Variants in CAMKK2 observed in about 807,000 individuals in gnomAD.
CAMKK2 encodes calcium/calmodulin-dependent protein kinase kinase 2.
In CAMKK2, 30 loss-of-function variants were observed where a neutral mutation model predicts 67.2. The observed-to-expected ratio is 0.45, with a 90% confidence interval of 0.33 to 0.61. The LOEUF is 0.61. Among genes scored for constraint, CAMKK2 ranks in the 20% least tolerant of loss-of-function variants. The probability of loss-of-function intolerance (pLI) is 0.02; values close to 1 mark genes in which losing one functional copy is unlikely to be tolerated. For missense variants in CAMKK2, 643 were observed against 802.0 expected, an observed-to-expected ratio of 0.80 and a Z score of 2.39; for synonymous variants, 322 against 326.2, an observed-to-expected ratio of 0.99 and a Z score of 0.14.
chr12:121,259,478 T>A (rs1893014300), intron 7 of CAMKK2, among the ~76,000 whole-genome samples: 1 of 152,210 alleles, frequency 6.6e-6, no homozygotes, highest in South Asian at 2.1e-4. Flanking sequence ...GACCTGGATC[T>A]GGGGTCCCAA....
Position 121,257,101 on chromosome 12 carries a change from C to T in CAMKK2, c.797-1297G>A, listed in dbSNP as rs577181581. Among the ~76,000 whole-genome samples, 20 of 151,922 alleles carry T rather than the reference C, an allele frequency of 1.3e-4. 1 individual carries two copies. Among genetic ancestry groups the T allele is most frequent in the Non-Finnish European group, 2.4e-4 (16 of 68,026 alleles). On this transcript the variant is annotated intron_variant, in intron 7 of 16. Transcript: ENST00000404169. ...TTGCTTGTTGTTCTGGAATCATACA[C>T]CCACAATGAGATGAGCATGTAATAG...
intron 1 of CAMKK2, among the ~76,000 whole-genome samples, chr12:121,293,291 G>GAA (rs1301638578): frequency 2.6e-5 from 4 of 151,934 alleles, no homozygotes; most frequent in Non-Finnish European, 5.9e-5. Flanking sequence ...GAAAAGAAAA[G>GAA]AAACAAAGCA....
In CAMKK2 at chr12:121,253,136, A is replaced by C; in HGVS notation, c.1107+137T>G. 1 of 729,824 alleles carries C rather than the reference A, an allele frequency of 1.4e-6. No homozygotes were observed. 45.2% of individuals were successfully genotyped at this position (729,824 alleles called of 1,614,324 possible). On this transcript the variant is annotated intron_variant, in intron 10 of 16. Coordinates refer to ENST00000404169, the MANE Select transcript of CAMKK2 (RefSeq NM_001270485.2). This position sits in a 1 kb window ranked among gnomAD's most constrained non-coding sequence, Gnocchi z 5.0. Reference sequence around the variant, plus strand: ...CTGTTTGAGTCCCTGGATCTAGCCAAGCCTGAAGCCTACCCCTCAGTATCT... The same window carrying C: ...CTGTTTGAGTCCCTGGATCTAGCCACGCCTGAAGCCTACCCCTCAGTATCT...
Position 121,253,477 on chromosome 12 carries a change from G to C in CAMKK2, c.908-5C>G. On this transcript the variant is annotated splice_polypyrimidine_tract_variant and splice_region_variant and intron_variant, in intron 9 of 16. Coordinates refer to ENST00000404169, the MANE Select transcript of CAMKK2 (RefSeq NM_001270485.2). This position sits in a 1 kb window ranked among gnomAD's most constrained non-coding sequence, Gnocchi z 5.0. ...GGATGATCTTCTGGTAGTGTACTGG[G>C]GAGGCGTAGACAGCAGGTGGGAGAT... is the stretch of plus-strand genomic sequence containing the variant. 6.2e-7 allele frequency: 1 copy of C among 1,613,974 alleles called. No homozygotes were observed. The highest frequency in any genetic ancestry group is 8.5e-7 in the Non-Finnish European group (1 of 1,179,900).
chr12:121,283,806 T>G (rs1485712985), intron 1 of CAMKK2, among the ~76,000 whole-genome samples: 2 of 150,984 alleles, frequency 1.3e-5, no homozygotes, highest in African/African-American at 4.9e-5. Flanking sequence ...CAGAATGAGA[T>G]CCTTTCGCTA....
chr12:121,276,159 C>CA (rs373596430), intron 1 of CAMKK2, among the ~76,000 whole-genome samples: 53,859 of 120,432 alleles, frequency 0.45, 11,908 homozygotes, highest in African/African-American at 0.56. Context: ...GACTCCATCT[C>CA]AAAAAAAAAA....
chr12:121,245,349 G>A lies in CAMKK2; in HGVS notation c.1453-109C>T, dbSNP rs1040592355. On this transcript the variant is annotated intron_variant, in intron 14 of 16. Transcript: ENST00000404169. The surrounding 1 kb of genome is among the most constrained non-coding windows in gnomAD (Gnocchi z 5.8). Reference sequence around the variant, plus strand: ...TCCCCAGCCCCTGCCAGCTCCCAGGGCTGGTGACCGATGGCAGACTTTGAG... The same window carrying A: ...TCCCCAGCCCCTGCCAGCTCCCAGGACTGGTGACCGATGGCAGACTTTGAG... 7.0e-6 allele frequency: 5 copies of A among 713,028 alleles called. No individual in the cohort carries two copies. The highest frequency in any genetic ancestry group is 1.3e-5 in the Non-Finnish European group (5 of 399,868). The allele number at this position is 713,028 out of a possible 1,614,324, so 44.2% of individuals were successfully genotyped here.
chr12:121,292,343 G>A (rs1004683066), intron 1 of CAMKK2, among the ~76,000 whole-genome samples: 1 of 151,992 alleles, frequency 6.6e-6, no homozygotes, highest in Non-Finnish European at 1.5e-5. Context: ...TGGCCAGCCT[G>A]ATCTTGAACT....
intron 5 of CAMKK2, among the ~76,000 whole-genome samples, chr12:121,265,397 G>A (rs1486839313): frequency 6.6e-6 from 1 of 152,162 alleles, no homozygotes; most frequent in Non-Finnish European, 1.5e-5. Flanking sequence ...TGACCATCAG[G>A]AGAGCGTTCC....
intron 1 of CAMKK2, among the ~76,000 whole-genome samples, chr12:121,280,673 G>T (rs540197782): frequency 1.3e-5 from 2 of 152,044 alleles, no homozygotes; most frequent in African/African-American, 4.8e-5. Flanking sequence ...GGCACCCCCC[G>T]GGGCGTACCT....
At chr12:121,264,556 C>T (rs899724084) in intron 5 of CAMKK2, among the ~76,000 whole-genome samples, 1 of 152,014 alleles carries the variant, frequency 6.6e-6, no homozygotes, top group Non-Finnish European at 1.5e-5. Context: ...GGGTGGATCA[C>T]AAGGTCAGGA....
chr12:121,263,637 A>C (rs1412610525), intron 6 of CAMKK2, among the ~76,000 whole-genome samples, 169 bp downstream of exon 6: 4 of 152,186 alleles, frequency 2.6e-5, no homozygotes, highest in African/African-American at 9.7e-5. Context: ...AAAGAAGAGA[A>C]AAAATAGTTA....
chr12:121,296,910 G>C (rs1391364323), upstream of CAMKK2, among the ~76,000 whole-genome samples: 1 of 151,236 alleles, frequency 6.6e-6, no homozygotes, highest in Admixed American at 6.6e-5. The surrounding 1 kb of genome is among the most constrained non-coding windows in gnomAD (Gnocchi z 7.1). Flanking sequence ...TCGGCCCTGC[G>C]CCGGGGAGGG....
Position 121,267,721 on chromosome 12 carries a change from T to C in CAMKK2, c.625+917A>G, listed in dbSNP as rs111983249. Among the ~76,000 whole-genome samples, 1,070 of 151,896 alleles carry C rather than the reference T, an allele frequency of 7.0e-3. 16 individuals are homozygous for C. The highest frequency in any genetic ancestry group is 0.024 in the African/African-American group (1,013 of 41,430). ...TTGGGCCTGGCTGGTCTTGAACTCC[T>C]GACCTCAAGTGATCCACTCGCCTCG... On this transcript the variant is annotated intron_variant, in intron 5 of 16. Transcript: ENST00000404169.
At position 121,263,919 on chromosome 12, in the gene CAMKK2, T is replaced by C. The variant is rs1593374277; in HGVS notation, c.646A>G (p.Thr216Ala). Residue 216 changes from threonine (T) to alanine (A), a missense_variant, in exon 6 of 17, where the codon ACC becomes GCC. This residue lies in a region of CAMKK2 where 483 missense variants were observed against 625.8 expected (regional missense o/e 0.77). Transcript: ENST00000404169. ...GFPRRPPPRG[T>A]RPAPGGCIQP... is the part of the protein sequence containing the mutation. ...ATGCAGCCTCCAGGAGCTGGCCGGG[T>C]GCCTCGGGGTGGAGGGCGACCTGAA... 1 of 1,605,826 alleles carries C rather than the reference T, an allele frequency of 6.2e-7. No homozygotes were observed. Among genetic ancestry groups the C allele is most frequent in the Non-Finnish European group, 8.5e-7 (1 of 1,174,052 alleles).
intron 16 of CAMKK2, among the ~76,000 whole-genome samples, chr12:121,243,075 C>T (rs1888694947): frequency 6.8e-6 from 1 of 147,290 alleles, no homozygotes; most frequent in Non-Finnish European, 1.5e-5. Context: ...CTCTTGTTGC[C>T]CAGGCTGGAG....
chr12:121,274,070 T>C lies in CAMKK2; in HGVS notation c.457A>G (p.Ile153Val). The C allele has an allele frequency of 6.6e-7, 1 of 1,506,268 alleles. No homozygotes were observed. Among genetic ancestry groups the C allele is most frequent in the Non-Finnish European group, 8.9e-7 (1 of 1,127,236 alleles). The allele number at this position is 1,506,268 out of a possible 1,614,324, so 93.3% of individuals were successfully genotyped here. ...GGCTCACGCACCTGCATACCCGTGATGGAGACGTGGTGAGACTCCACTGTC... is the reference window on the plus strand; with the variant it reads ...GGCTCACGCACCTGCATACCCGTGACGGAGACGTGGTGAGACTCCACTGTC... Reference protein sequence around the residue: ...RPTVESHHVSITGMQDCVQLN... With the variant: ...RPTVESHHVSVTGMQDCVQLN... The change falls in exon 2 of 17, where the codon ATC (isoleucine) becomes GTC (valine). Residue 153 changes from isoleucine (I) to valine (V), a missense_variant. This residue lies in a region of CAMKK2 where 483 missense variants were observed against 625.8 expected (regional missense o/e 0.77). Coordinates refer to ENST00000404169, the MANE Select transcript of CAMKK2 (RefSeq NM_001270485.2).
chr12:121,255,236 T>TATATATATAATTATATATATAATTTTA (rs1566058215), intron 9 of CAMKK2, among the ~76,000 whole-genome samples: 2 of 3,226 alleles, frequency 6.2e-4, no homozygotes, highest in Non-Finnish European at 9.6e-4. Flanking sequence ...ATATATAATT[T>TATATATATAATTATATATATAATTTTA]TATATATATA....
intron 6 of CAMKK2, chr12:121,260,560 C>T (rs1212089588): frequency 1.7e-6 from 1 of 585,702 alleles, no homozygotes; most frequent in Non-Finnish European, 3.0e-6. Context: ...AAAATAAATG[C>T]CTCTCTGTCT....
Sources: allele counts gnomAD v4.1 joint callset (sites outside exome capture counted in the v4.1 genomes callset), GRCh38; gene constraint gnomAD v4.1.1; regional missense constraint gnomAD v4.1.1; non-coding constraint Gnocchi (gnomAD v3.1); transcripts MANE v1.5; gene names NCBI Gene and HGNC (gene_info 2026-07-23, HGNC 2026-07-21).